The following KLHL30 variants were observed in gnomAD, a reference collection of about 807,000 sequenced individuals.
KLHL30 encodes the protein kelch-like protein 30.
Under a neutral mutation model 55.0 loss-of-function variants are expected in KLHL30, and 55 were observed. The ratio of observed to expected loss-of-function variants is 1.00; its 90% CI spans 0.80 to 1.25. KLHL30 has a LOEUF of 1.25. Among genes scored for constraint, KLHL30 ranks in the 50% most tolerant of loss-of-function variants. The pLI is 0.00. For missense variants in KLHL30, 786 were observed against 811.6 expected (o/e 0.97, Z 0.38); for synonymous variants, 356 against 372.6 (o/e 0.96, Z 0.51).
intron 2 of KLHL30, among the ~76,000 whole-genome samples, chr2:238,142,130 C>T (rs976249840): frequency 6.6e-6 from 1 of 152,174 alleles, no homozygotes; most frequent in Non-Finnish European, 1.5e-5. Flanking sequence ...AGTGGCTGTT[C>T]GGTCAGCTGC....
At chr2:238,148,173 G>A (rs1171738751) in intron 6 of KLHL30, among the ~76,000 whole-genome samples, 151 bp downstream of exon 6, 1 of 152,214 alleles carries the variant, frequency 6.6e-6, no homozygotes, top group Non-Finnish European at 1.5e-5. Context: ...TCACAAAGAG[G>A]AGGGGATGTG....
chr2:238,142,602 T>C (rs1692562721), intron 2 of KLHL30, among the ~76,000 whole-genome samples, 197 bp from the exon 3 acceptor site: 1 of 152,186 alleles, frequency 6.6e-6, no homozygotes. Context: ...GTTCTGAAGA[T>C]GGTTCAGGAA....
chr2:238,148,024 T>A lies in KLHL30; in HGVS notation c.1339+2T>A. 1 of 1,418,702 alleles carries A rather than the reference T, an allele frequency of 7.0e-7. No individual in the cohort carries two copies. Among genetic ancestry groups the A allele is most frequent in the Non-Finnish European group, 9.3e-7 (1 of 1,075,318 alleles). The allele number at this position is 1,418,702 out of a possible 1,614,324, so 87.9% of individuals were successfully genotyped here. ...TGCAGTGCTACAACCCTGTCACAGG[T>A]GGGTGGGGCTCAGGGACCGAGGATA... On this transcript the variant is annotated splice_donor_variant, in intron 6 of 7. Coordinates refer to ENST00000409223, the MANE Select transcript of KLHL30 (RefSeq NM_198582.4). LOFTEE classifies it high-confidence loss of function.
chr2:238,144,999 CG>C lies in KLHL30; in HGVS notation c.994+15del, dbSNP rs1038537045. 29 of 1,588,414 alleles carry C rather than the reference CG, an allele frequency of 1.8e-5. No homozygotes were observed. Among genetic ancestry groups the C allele is most frequent in the Non-Finnish European group, 2.3e-5 (27 of 1,167,430 alleles). ...ACATCTATGTCACAGGTGGGCAGCT[CG>C]GGGACCCTTCCAGAGATGCCCTGCC... On this transcript the variant is annotated intron_variant, in intron 4 of 7. Coordinates refer to ENST00000409223, the MANE Select transcript of KLHL30 (RefSeq NM_198582.4).
intron 1 of KLHL30, among the ~76,000 whole-genome samples, chr2:238,139,769 G>A (rs1051332020): frequency 6.6e-6 from 1 of 152,200 alleles, no homozygotes; most frequent in African/African-American, 2.4e-5. Context: ...GCGGGCGAAC[G>A]GCCTCTCCGC....
chr2:238,151,024 T>C lies in KLHL30; in HGVS notation c.1696T>C (p.Ser566Pro). ...GGCCTCCACCGTCTTCCTGGATGTC[T>C]CCAAGTGGACCCAGCCCTCCGGCCC... The part of the protein sequence containing the change: ...HGASTVFLDV[S>P]KWTQPSGPTQ... Residue 566 changes from serine (S) to proline (P), a missense_variant, in exon 8 of 8, where the codon TCC (serine) becomes CCC (proline). Physicochemically the swap from Ser to Pro is moderately conservative, Grantham distance 74. Coordinates refer to ENST00000409223, the MANE Select transcript of KLHL30 (RefSeq NM_198582.4). The C allele has an allele frequency of 1.3e-6, 2 of 1,593,092 alleles. No homozygotes were observed. Among genetic ancestry groups the C allele is most frequent in the Non-Finnish European group, 1.7e-6 (2 of 1,171,000 alleles).
chr2:238,150,596 GT>G (rs1692736176), intron 7 of KLHL30, among the ~76,000 whole-genome samples: 1 of 152,180 alleles, frequency 6.6e-6, no homozygotes, highest in Non-Finnish European at 1.5e-5. Flanking sequence ...AGGGCTGAGG[GT>G]CAGAGAGGGA....
chr2:238,151,238 T>A lies in KLHL30; in HGVS notation c.*173T>A. 1.1e-6 allele frequency: 1 copy of A among 891,996 alleles called. No individual in the cohort carries two copies. The highest frequency in any genetic ancestry group is 1.7e-6 in the Non-Finnish European group (1 of 601,590). The allele number at this position is 891,996 out of a possible 1,614,324, so 55.3% of individuals were successfully genotyped here. On this transcript the variant is annotated 3_prime_UTR_variant, in exon 8 of 8. Coordinates refer to ENST00000409223, the MANE Select transcript of KLHL30 (RefSeq NM_198582.4). ...TGGCTTGGAGGACACAGCCTTGGTC[T>A]CTGTGGCCACCACACTAAACTCTGA...
At chr2:238,139,365 G>A (rs987748872) in intron 1 of KLHL30, among the ~76,000 whole-genome samples, 4 of 152,240 alleles carry the variant, frequency 2.6e-5, no homozygotes, top group Admixed American at 6.5e-5. Flanking sequence ...CGCCTTCACC[G>A]GGGCCAGCGC....
chr2:238,139,894 A>T (rs1458911304), intron 1 of KLHL30, among the ~76,000 whole-genome samples: 1 of 152,216 alleles, frequency 6.6e-6, no homozygotes, highest in Admixed American at 6.5e-5. Context: ...CCACATGCAC[A>T]TAATTACATG....
intron 5 of KLHL30, among the ~76,000 whole-genome samples, chr2:238,146,311 G>A (rs1692647711): frequency 6.6e-6 from 1 of 150,926 alleles, no homozygotes. Context: ...AGGAGGACAG[G>A]GTCTCTCTAT....
chr2:238,143,728 G>T (rs941638737), intron 3 of KLHL30, among the ~76,000 whole-genome samples: 1 of 152,246 alleles, frequency 6.6e-6, no homozygotes, highest in African/African-American at 2.4e-5. Flanking sequence ...TGAAGAGAGG[G>T]GGTTTGGGGC....
chr2:238,140,043 C>T (rs1377870812), intron 1 of KLHL30, among the ~76,000 whole-genome samples: 1 of 152,216 alleles, frequency 6.6e-6, no homozygotes, highest in Non-Finnish European at 1.5e-5. Context: ...AGCCTGGGCC[C>T]CCAAGCCTAG....
chr2:238,150,292 G>T (rs760778810), intron 7 of KLHL30, among the ~76,000 whole-genome samples: 8 of 152,212 alleles, frequency 5.3e-5, no homozygotes, highest in African/African-American at 1.9e-4. Flanking sequence ...CTTCCCACCC[G>T]CCCGGGCTCT....
At position 238,145,731 on chromosome 2, in the gene KLHL30, TC is replaced by T; in HGVS notation, c.1054del (p.Leu352Ter). The T allele has an allele frequency of 6.3e-7, 1 of 1,595,258 alleles. No homozygotes were observed. The highest frequency in any genetic ancestry group is 8.5e-7 in the Non-Finnish European group (1 of 1,172,368). On this transcript the variant is annotated frameshift_variant, in exon 5 of 8. Transcript: ENST00000409223. LOFTEE classifies it high-confidence loss of function. ...TGGTCAACCACCCAGGCCTGGTGCT[TC>T]CCCCTGAAGGAGGCCTCCTGGAAGC... is the stretch of plus-strand genomic sequence containing the variant. ...DTWSTTQAWC[F>X]PLKEASWKPV...
Position 238,141,057 on chromosome 2 carries a change from C to A in KLHL30, c.303C>A (p.Gly101=). Residue 101 remains glycine, a synonymous_variant, in exon 2 of 8, where the codon GGC becomes GGA. Coordinates refer to ENST00000409223, the MANE Select transcript of KLHL30 (RefSeq NM_198582.4). ...CAGGCCGGCTGACCATCACGCAGGG[C>A]AACGTGGAGGCGCTGACACGCACGG... is the stretch of plus-strand genomic sequence containing the variant. ...VYTGRLTITQ[G]NVEALTRTAA... 2 of 1,611,522 alleles carry A rather than the reference C, an allele frequency of 1.2e-6. No individual in the cohort carries two copies. The highest frequency in any genetic ancestry group is 1.3e-5 in the African/African-American group (1 of 75,060).
rs1692784486 is a variant in KLHL30 at position 238,152,918 on chromosome 2, A to C, written c.*1853A>C. 1 of 152,242 alleles carries C rather than the reference A, an allele frequency of 6.6e-6. No homozygotes were observed. Among genetic ancestry groups the C allele is most frequent in the Admixed American group, 6.5e-5 (1 of 15,288 alleles). The allele number at this position is 152,242 out of a possible 1,614,324, so 9.4% of individuals were successfully genotyped here. A position where few individuals can be genotyped will look rare whatever the true frequency, so the allele number is the denominator to read the frequency against. The stretch of plus-strand genomic sequence containing the variant: ...TGCAAGAATATTTTAAAATAAATAA[A>C]AATAAAACTGAAGACATGAAATGTC... On this transcript the variant is annotated 3_prime_UTR_variant, in exon 8 of 8. Transcript: ENST00000409223.
chr2:238,149,244 C>T, intron 7 of KLHL30, 92 bp downstream of exon 7: 1 of 1,528,746 alleles, frequency 6.5e-7, no homozygotes, highest in Non-Finnish European at 8.9e-7. Context: ...TGGGGTGCCA[C>T]AGAGGGCCCA....
chr2:238,142,774 C>A, intron 2 of KLHL30, 25 bp from the exon 3 acceptor site: 1 of 1,372,006 alleles, frequency 7.3e-7, no homozygotes, highest in Non-Finnish European at 9.4e-7. Flanking sequence ...TGCTGTTGCC[C>A]TGACCCTGGC....
Sources: gnomAD v4.1 joint callset for allele counts (sites outside exome capture counted in the v4.1 genomes callset) on GRCh38, gnomAD v4.1.1 for gene constraint, MANE v1.5 for transcripts, NCBI Gene and HGNC (gene_info 2026-07-23, HGNC 2026-07-21) for gene names.